CDH13: variants seen among roughly 807,000 people sequenced by gnomAD.
The protein encoded by CDH13 is cadherin 13, also known as cadherin-13.
Under a neutral mutation model 63.8 loss-of-function variants are expected in CDH13, and 24 were observed. The observed-to-expected ratio is 0.38, with a 90% confidence interval of 0.27 to 0.53. The LOEUF (loss-of-function observed/expected upper bound fraction) is 0.53. Among genes scored for constraint, CDH13 ranks in the 20% least tolerant of loss-of-function variants. The pLI is 0.85. For missense variants in CDH13, 1,049 were observed against 903.1 expected, an observed-to-expected ratio of 1.16 and a Z score of -2.07; for synonymous variants, 503 against 355.3, an observed-to-expected ratio of 1.42 and a Z score of -4.67.
At chr16:83,372,668 C>T (rs1208220796) in intron 6 of CDH13, among the ~76,000 whole-genome samples, 2 of 145,934 alleles carry the variant, frequency 1.4e-5, no homozygotes, top group South Asian at 2.2e-4. Flanking sequence ...AGGAGAATGG[C>T]TTGAATCCGG....
intron 4 of CDH13, among the ~76,000 whole-genome samples, chr16:83,190,075 C>G (rs1410073300): frequency 6.6e-6 from 1 of 152,196 alleles, no homozygotes; most frequent in Non-Finnish European, 1.5e-5. Context: ...AGTACTAAGT[C>G]TTGGGTATGT....
chr16:83,273,057 A>G (rs113180677), intron 5 of CDH13, among the ~76,000 whole-genome samples: 13 of 152,158 alleles, frequency 8.5e-5, no homozygotes, highest in African/African-American at 3.1e-4. Flanking sequence ...TCGTAACTTC[A>G]GCACTTGTTG....
At chr16:83,231,936 C>G (rs528447737) in intron 5 of CDH13, among the ~76,000 whole-genome samples, 10 of 152,240 alleles carry the variant, frequency 6.6e-5, no homozygotes, top group South Asian at 6.2e-4. Context: ...CACATGAGAT[C>G]AGGATGTTTA....
chr16:82,923,450 T>A (rs1230858876), intron 2 of CDH13, among the ~76,000 whole-genome samples: 1 of 152,164 alleles, frequency 6.6e-6, no homozygotes, highest in African/African-American at 2.4e-5. Context: ...TAAGCTGAAG[T>A]TTGAAGAGTG....
chr16:83,650,450 C>G (rs937388083), intron 8 of CDH13, among the ~76,000 whole-genome samples: 1 of 152,146 alleles, frequency 6.6e-6, no homozygotes, highest in Non-Finnish European at 1.5e-5. Context: ...TAACTCTTGT[C>G]CTAGGGGAGC....
At chr16:83,459,738 A>T (rs1279331428) in intron 6 of CDH13, among the ~76,000 whole-genome samples, 1 of 152,230 alleles carries the variant, frequency 6.6e-6, no homozygotes, top group Non-Finnish European at 1.5e-5. Context: ...AAAATAACCA[A>T]ATGACTCAAC....
chr16:82,649,920 C>T (rs367601400), intron 1 of CDH13, among the ~76,000 whole-genome samples: 2 of 152,166 alleles, frequency 1.3e-5, no homozygotes, highest in Non-Finnish European at 1.5e-5. Flanking sequence ...GGAATTGAAG[C>T]ATGTAACATG....
At chr16:83,732,958 A>G (rs1334527376) in intron 10 of CDH13, among the ~76,000 whole-genome samples, 1 of 152,234 alleles carries the variant, frequency 6.6e-6, no homozygotes, top group African/African-American at 2.4e-5. Flanking sequence ...CACTGCCTAC[A>G]TGAAGAGGGA....
intron 3 of CDH13, among the ~76,000 whole-genome samples, chr16:83,060,646 T>G (rs2031451136): frequency 6.6e-6 from 1 of 152,228 alleles, no homozygotes; most frequent in South Asian, 2.1e-4. Flanking sequence ...CAGATCTGAA[T>G]CCAGAGCCTG....
intron 1 of CDH13, among the ~76,000 whole-genome samples, chr16:82,803,329 T>C (rs908389217): frequency 1.3e-5 from 2 of 152,346 alleles, no homozygotes; most frequent in East Asian, 3.9e-4. Flanking sequence ...AGTTCATTCT[T>C]ATTTATTGGG....
intron 3 of CDH13, among the ~76,000 whole-genome samples, chr16:83,076,968 T>C (rs919736737): frequency 6.6e-6 from 1 of 151,994 alleles, no homozygotes; most frequent in Non-Finnish European, 1.5e-5. Context: ...CAAACCCCCA[T>C]CAAGATAGAA....
intron 11 of CDH13, among the ~76,000 whole-genome samples, chr16:83,760,218 G>A (rs1457195325): frequency 6.6e-6 from 1 of 152,176 alleles, no homozygotes; most frequent in Non-Finnish European, 1.5e-5. Context: ...CCCAGTGCTG[G>A]CAATGGTGTG....
intron 1 of CDH13, among the ~76,000 whole-genome samples, chr16:82,816,866 T>G (rs1409664422): frequency 1.3e-5 from 2 of 151,706 alleles, no homozygotes; most frequent in Non-Finnish European, 2.9e-5. Flanking sequence ...AAGCTCCAAC[T>G]CAGCACAGGA....
chr16:83,105,297 G>A (rs1431110653), intron 3 of CDH13, among the ~76,000 whole-genome samples: 2 of 152,174 alleles, frequency 1.3e-5, no homozygotes, highest in African/African-American at 4.8e-5. Context: ...AAAGTCAAAC[G>A]CTGTTTTTCT....
At chr16:82,986,770 G>T (rs1279809158) in intron 2 of CDH13, among the ~76,000 whole-genome samples, 1 of 152,214 alleles carries the variant, frequency 6.6e-6, no homozygotes, top group Non-Finnish European at 1.5e-5. Context: ...CCATGGCAAG[G>T]TGATGAATGT....
chr16:83,483,005 C>T (rs1375918550), intron 6 of CDH13, among the ~76,000 whole-genome samples: 2 of 152,136 alleles, frequency 1.3e-5, no homozygotes, highest in Non-Finnish European at 2.9e-5. Context: ...ATGTACTAGG[C>T]ACTGTACCAA....
chr16:82,951,257 C>G (rs1905261710), intron 2 of CDH13, among the ~76,000 whole-genome samples: 1 of 152,118 alleles, frequency 6.6e-6, no homozygotes, highest in African/African-American at 2.4e-5. Flanking sequence ...ATCCCTCACC[C>G]CATCCCAATC....
intron 10 of CDH13, among the ~76,000 whole-genome samples, chr16:83,705,408 G>A (rs746904623): frequency 6.6e-6 from 1 of 152,062 alleles, no homozygotes; most frequent in African/African-American, 2.4e-5. Context: ...AGATCACGAG[G>A]TCAGGAGATG....
At chr16:83,508,648 C>G (rs1410436238) in intron 7 of CDH13, among the ~76,000 whole-genome samples, 1 of 152,130 alleles carries the variant, frequency 6.6e-6, no homozygotes, top group East Asian at 1.9e-4. Context: ...CCAGATGACC[C>G]CAGTGAGTTT....
Sources: gnomAD v4.1 joint callset for allele counts (sites outside exome capture counted in the v4.1 genomes callset) on GRCh38, gnomAD v4.1.1 for gene constraint, MANE v1.5 for transcripts, NCBI Gene and HGNC (gene_info 2026-07-23, HGNC 2026-07-21) for gene names.